Variants in KAT6A observed in about 807,000 individuals in gnomAD.
The protein encoded by KAT6A is lysine acetyltransferase 6A, also known as histone acetyltransferase KAT6A.
A neutral mutation model predicts 198.4 loss-of-function variants in KAT6A; 9 were observed. The observed-to-expected ratio is 0.05, with a 90% CI of 0.03 to 0.08. KAT6A has a LOEUF of 0.08. Among genes scored for constraint, KAT6A ranks in the 10% least tolerant of loss-of-function variants. The probability of loss-of-function intolerance (pLI) is 1.00; values close to 1 mark genes in which losing one functional copy is unlikely to be tolerated. For missense variants in KAT6A, 2,077 were observed against 2,509.9 expected, an observed-to-expected ratio of 0.83 and a Z score of 3.69; for synonymous variants, 890 against 883.0, an observed-to-expected ratio of 1.01 and a Z score of -0.14.
intron 2 of KAT6A, among the ~76,000 whole-genome samples, chr8:42,047,740 T>C (rs1802386654): frequency 6.6e-6 from 1 of 152,176 alleles, no homozygotes; most frequent in Non-Finnish European, 1.5e-5. Context: ...TAGGATACTG[T>C]ATTCCTGTCC....
chr8:42,046,068 A>C (rs897493438), intron 2 of KAT6A, among the ~76,000 whole-genome samples: 2 of 152,210 alleles, frequency 1.3e-5, no homozygotes, highest in Admixed American at 6.5e-5. Context: ...GACTTGGATT[A>C]GACGGTTCTC....
Position 41,960,776 on chromosome 8 carries a change from C to T in KAT6A, c.1483-5365G>A, listed in dbSNP as rs559091424. ...CTTTTCCATCCGGAGGACCCATAATCCAGTGCTTCCATCAGCTTTCCACTC... is the reference window on the plus strand; with the variant it reads ...CTTTTCCATCCGGAGGACCCATAATTCAGTGCTTCCATCAGCTTTCCACTC... On this transcript the variant is annotated intron_variant, in intron 8 of 16. Coordinates refer to ENST00000265713, the MANE Select transcript of KAT6A (RefSeq NM_006766.5). Among the ~76,000 whole-genome samples, 9 of 152,214 alleles carry T rather than the reference C, an allele frequency of 5.9e-5. No homozygotes were observed. The East Asian group carries it at 1.7e-3, about 29-fold the overall frequency.
In KAT6A at chr8:41,930,665, AAT is replaced by A. The variant is rs1304143990; in HGVS notation, c.*1538_*1539del. The stretch of plus-strand genomic sequence containing the variant: ...AATAGTTTCCATCTTCTAATGATGG[AAT>A]ATATATATATATATATGTGTGTGTG... On this transcript the variant is annotated 3_prime_UTR_variant, in exon 17 of 17. Coordinates refer to ENST00000265713, the MANE Select transcript of KAT6A (RefSeq NM_006766.5). 282 of 146,364 alleles carry A rather than the reference AAT, an allele frequency of 1.9e-3. No individual in the cohort carries two copies. Among genetic ancestry groups the A allele is most frequent in the East Asian group, 5.4e-3 (39 of 7,284 alleles). The allele number at this position is 146,364 out of a possible 1,614,324, so 9.1% of individuals were successfully genotyped here. A position where few individuals can be genotyped will look rare whatever the true frequency, so the allele number is the denominator to read the frequency against.
intron 8 of KAT6A, among the ~76,000 whole-genome samples, chr8:41,971,991 T>C (rs1823817811): frequency 6.6e-6 from 1 of 152,170 alleles, no homozygotes; most frequent in Non-Finnish European, 1.5e-5. Context: ...CCAGAATCTA[T>C]GGCTACAACA....
chr8:42,046,418 C>G (rs1402822712), intron 2 of KAT6A, among the ~76,000 whole-genome samples: 8 of 152,136 alleles, frequency 5.3e-5, no homozygotes, highest in African/African-American at 1.9e-4. Flanking sequence ...TGTCTGTAAT[C>G]CCAGCTACTT....
intron 2 of KAT6A, among the ~76,000 whole-genome samples, chr8:42,031,573 A>C (rs943138343): frequency 6.6e-6 from 1 of 151,686 alleles, no homozygotes; most frequent in Non-Finnish European, 1.5e-5. Context: ...TGATTTGATA[A>C]ATGGTTTCAC....
chr8:41,943,118 GC>G, intron 13 of KAT6A, 118 bp from the exon 14 acceptor site: 1 of 1,306,710 alleles, frequency 7.7e-7, no homozygotes, highest in Non-Finnish European at 1.0e-6. Context: ...AAGATAGCCT[GC>G]CTGGGACGAT....
rs184824201 is a variant in KAT6A at position 41,957,142 on chromosome 8, C to A, written c.1483-1731G>T. 6.6e-4 allele frequency: 397 copies of A among 600,598 alleles called. 1 individual carries two copies. The highest frequency in any genetic ancestry group is 6.2e-3 in the African/African-American group (344 of 55,160). The allele number at this position is 600,598 out of a possible 1,614,324, so 37.2% of individuals were successfully genotyped here. On this transcript the variant is annotated intron_variant, in intron 8 of 16. Coordinates refer to ENST00000265713, the MANE Select transcript of KAT6A (RefSeq NM_006766.5). ...CCGATGTGAAAGTGGATATCCAGTT[C>A]CAGTACAGCTGTTTGCACATCACCA...
intron 12 of KAT6A, 23 bp downstream of exon 12, chr8:41,946,568 T>G: frequency 1.8e-4 from 225 of 1,226,690 alleles, no homozygotes; most frequent in Non-Finnish European, 2.4e-4. Flanking sequence ...AAAAGACCAA[T>G]GAGAAATTAA....
chr8:41,949,652 AAGT>A (rs1417874753), intron 9 of KAT6A, among the ~76,000 whole-genome samples: 1 of 152,248 alleles, frequency 6.6e-6, no homozygotes, highest in African/African-American at 2.4e-5. Flanking sequence ...AATATTTGCT[AAGT>A]AGATTAACAC....
chr8:41,933,701 T>C lies in KAT6A; in HGVS notation c.4519A>G (p.Ser1507Gly). Reference protein sequence around the residue: ...VSSPNVPALESGYTQISPEQG... With the variant: ...VSSPNVPALEGGYTQISPEQG... ...TCTGGGCTGATCTGGGTGTAGCCAC[T>C]CTCAAGGGCAGGCACGTTGGGACTG... is the stretch of plus-strand genomic sequence containing the variant. The change falls in exon 17 of 17, where the codon AGT (serine) becomes GGT (glycine). Residue 1507 changes from serine (S) to glycine (G), a missense_variant. By Grantham distance (56) the Ser-to-Gly change is moderately conservative. Around this residue, in one of 13 missense-constraint regions of KAT6A, gnomAD observed 178 missense variants for 220.8 expected, o/e 0.81. Transcript: ENST00000265713. This position sits in a 1 kb window ranked among gnomAD's most constrained non-coding sequence, Gnocchi z 6.2. 3 of 1,614,054 alleles carry C rather than the reference T, an allele frequency of 1.9e-6. No homozygotes were observed. The highest frequency in any genetic ancestry group is 2.5e-6 in the Non-Finnish European group (3 of 1,180,002).
intron 2 of KAT6A, among the ~76,000 whole-genome samples, chr8:42,038,886 G>C (rs1419751260): frequency 6.6e-6 from 1 of 151,896 alleles, no homozygotes; most frequent in East Asian, 1.9e-4. Flanking sequence ...ACCCAGAATG[G>C]CATACTACTA....
In KAT6A at chr8:42,030,866, C is replaced by T. The variant is rs539745093; in HGVS notation, c.600+17512G>A. On this transcript the variant is annotated intron_variant, in intron 2 of 16. Transcript: ENST00000265713. ...GTGCTGGAATTACAGGGGTTAACCA[C>T]TGTGCTCCGCCTCTCCGTTAAAATC... Among the ~76,000 whole-genome samples the T allele has an allele frequency of 2.6e-5, 4 of 152,150 alleles. No individual in the cohort carries two copies. The South Asian group carries it at 8.3e-4, about 32-fold the overall frequency.
chr8:41,942,586 G>T, intron 14 of KAT6A: 1 of 576,344 alleles, frequency 1.7e-6, no homozygotes, highest in Non-Finnish European at 3.0e-6. Context: ...AAATTTGATG[G>T]TCTCCTCCTA....
chr8:41,977,225 T>C lies in KAT6A; in HGVS notation c.1146A>G (p.Gly382=), dbSNP rs1564034637. 1 of 1,614,224 alleles carries C rather than the reference T, an allele frequency of 6.2e-7. No individual in the cohort carries two copies. The highest frequency in any genetic ancestry group is 1.1e-5 in the South Asian group (1 of 91,088). ...SQSASSSSEE[G]YLERIDGLDF... ...CCAAGCCATCTATCCGCTCTAAATA[T>C]CCTTCTTCTGATGATGATGATGCTG... Residue 382 remains glycine (G), a synonymous_variant, in exon 7 of 17, where the codon GGA becomes GGG. Coordinates refer to ENST00000265713, the MANE Select transcript of KAT6A (RefSeq NM_006766.5).
At chr8:42,003,063 T>C (rs867760360) in intron 2 of KAT6A, among the ~76,000 whole-genome samples, 2 of 152,140 alleles carry the variant, frequency 1.3e-5, no homozygotes, top group South Asian at 2.1e-4. Flanking sequence ...GCACACTTCA[T>C]TTCTCCTGTC....
intron 6 of KAT6A, 35 bp downstream of exon 6, chr8:41,978,606 CT>C (rs779227416): frequency 8.7e-6 from 14 of 1,607,234 alleles, no homozygotes; most frequent in Admixed American, 3.4e-5. Context: ...AGACCCTATC[CT>C]TTTCTCCCCT....
intron 16 of KAT6A, among the ~76,000 whole-genome samples, chr8:41,935,339 C>T (rs1239044146): frequency 6.6e-6 from 1 of 151,898 alleles, no homozygotes; most frequent in Non-Finnish European, 1.5e-5. Context: ...TTACTTTCCA[C>T]AAATCATCAC....
intron 2 of KAT6A, among the ~76,000 whole-genome samples, chr8:42,046,365 G>A (rs531455623): frequency 6.6e-5 from 10 of 152,034 alleles, no homozygotes; most frequent in East Asian, 1.9e-4. Context: ...GTGAAACCCC[G>A]TCTCTACTAA....
Sources: gnomAD v4.1 joint callset for allele counts (sites outside exome capture counted in the v4.1 genomes callset) on GRCh38, gnomAD v4.1.1 for gene constraint, gnomAD v4.1.1 regional missense constraint, Gnocchi (gnomAD v3.1) non-coding constraint, MANE v1.5 for transcripts, NCBI Gene and HGNC (gene_info 2026-07-23, HGNC 2026-07-21) for gene names.